IRAG2: variants seen among roughly 807,000 people sequenced by gnomAD.
IRAG2 encodes lymphoid restricted membrane protein.
IRAG2 carries 45 observed loss-of-function variants against 69.9 expected under a neutral mutation model. The ratio of observed to expected loss-of-function variants is 0.64; its 90% CI spans 0.51 to 0.83. The LOEUF (loss-of-function observed/expected upper bound fraction) is 0.83. Ranked by LOEUF, IRAG2 falls within the 40% of genes least tolerant of loss-of-function variation. The pLI is 0.00. For missense variants in IRAG2, 520 were observed against 587.0 expected (o/e 0.89, Z 1.18); for synonymous variants, 193 against 202.4 (o/e 0.95, Z 0.40).
chr12:25,021,091 C>CTTTTTTTTTT (rs71063389), intron 7 of IRAG2: 95 of 265,802 alleles, frequency 3.6e-4, no homozygotes, highest in Admixed American at 4.8e-4. Context: ...TCTTTCTTTT[C>CTTTTTTTTTT]TTTTTTTTTT....
chr12:25,050,127 AAAAAAACAAAAAC>A (rs1312936819), upstream of IRAG2, among the ~76,000 whole-genome samples: 96 of 152,008 alleles, frequency 6.3e-4, no homozygotes, highest in Non-Finnish European at 1.2e-3. Context: ...ACTCCGTCTC[AAAAAAACAAAAAC>A]AAAAAACAAA....
At chr12:25,056,650 G>A (rs896886648) in intron 1 of IRAG2, among the ~76,000 whole-genome samples, 2 of 152,260 alleles carry the variant, frequency 1.3e-5, no homozygotes, top group East Asian at 1.9e-4. Flanking sequence ...GCTAGAATAC[G>A]TTTCTATAAC....
In IRAG2 at chr12:25,089,594, A is replaced by G; in HGVS notation, c.374-20A>G. 2.7e-6 allele frequency: 4 copies of G among 1,477,158 alleles called. No homozygotes were observed. The highest frequency in any genetic ancestry group is 2.8e-6 in the Non-Finnish European group (3 of 1,077,744). 91.5% of individuals were successfully genotyped at this position (1,477,158 alleles called of 1,614,324 possible). A position where few individuals can be genotyped will look rare whatever the true frequency, so the allele number is the denominator to read the frequency against. ...GGTCAAGCCTTTTTAACCAAATAATATTTTATTATATTTTAATAGACTCTG... is the reference window on the plus strand; with the variant it reads ...GGTCAAGCCTTTTTAACCAAATAATGTTTTATTATATTTTAATAGACTCTG... On this transcript the variant is annotated intron_variant, in intron 11 of 21. Transcript: ENST00000556887.
At chr12:25,089,938 A>C (rs1465710468) in intron 13 of IRAG2, 119 bp from the exon 14 acceptor site, 1 of 1,296,004 alleles carries the variant, frequency 7.7e-7, no homozygotes, top group Non-Finnish European at 1.1e-6. Flanking sequence ...TGTGCATGTC[A>C]GCATTATGTT....
At chr12:25,033,184 T>C (rs1591932358) in intron 12 of IRAG2, among the ~76,000 whole-genome samples, 1 of 152,168 alleles carries the variant, frequency 6.6e-6, no homozygotes, top group East Asian at 1.9e-4. Context: ...CTCGAACTCC[T>C]GACTTCATGA....
At chr12:25,067,413 C>A (rs1383523375) in intron 5 of IRAG2, among the ~76,000 whole-genome samples, 4 of 152,146 alleles carry the variant, frequency 2.6e-5, no homozygotes, top group African/African-American at 9.7e-5. Context: ...TCAATTCCAA[C>A]GTTATCTACC....
In IRAG2 at chr12:25,038,982, C is replaced by G. The variant is rs140257104; in HGVS notation, c.2144+845C>G. Reference sequence around the variant, plus strand: ...GGTAACAAATATAAAATAACTTACCCTCTTATCCTTTCTCTACCCTCAATT... The same window carrying G: ...GGTAACAAATATAAAATAACTTACCGTCTTATCCTTTCTCTACCCTCAATT... On this transcript the variant is annotated intron_variant, in intron 16 of 38. Coordinates refer to the IRAG2 transcript ENST00000636465. 1.8e-4 allele frequency among the ~76,000 whole-genome samples: 27 copies of G among 152,236 alleles called. 1 individual carries two copies. Among genetic ancestry groups the G allele is most frequent in the African/African-American group, 6.5e-4 (27 of 41,528 alleles).
intron 1 of IRAG2, among the ~76,000 whole-genome samples, chr12:25,061,338 A>C (rs1945623304): frequency 1.3e-5 from 2 of 152,222 alleles, no homozygotes; most frequent in South Asian, 4.1e-4. Context: ...CAGTCTAGAC[A>C]ACATGGTGAA....
chr12:25,071,346 AAAAAAT>A (rs1946325499), intron 6 of IRAG2, among the ~76,000 whole-genome samples: 4 of 152,314 alleles, frequency 2.6e-5, no homozygotes, highest in South Asian at 2.1e-4. Flanking sequence ...ACTCCATCTC[AAAAAAT>A]AAAAATAAAA....
intron 5 of IRAG2, among the ~76,000 whole-genome samples, chr12:25,015,727 A>G (rs575561854): frequency 7.2e-5 from 11 of 152,316 alleles, no homozygotes; most frequent in African/African-American, 2.6e-4. Context: ...AAGTAGGGTT[A>G]TGATATTGAC....
chr12:25,107,734 C>A (rs1000770683), intron 21 of IRAG2, 83 bp from the exon 22 acceptor site: 41 of 1,355,684 alleles, frequency 3.0e-5, no homozygotes, highest in Non-Finnish European at 3.6e-5. Flanking sequence ...AAGGGCAGAT[C>A]ACCTGACTGG....
intron 4 of IRAG2, 32 bp downstream of exon 4, chr12:25,063,848 A>T (rs1223153448): frequency 2.5e-6 from 1 of 398,860 alleles, no homozygotes; most frequent in Non-Finnish European, 4.4e-6. Context: ...GCTCAGACAC[A>T]AGTAGGGGTA....
At chr12:25,015,897 TAAAGA>T (rs1944523596) in intron 5 of IRAG2, among the ~76,000 whole-genome samples, 1 of 152,128 alleles carries the variant, frequency 6.6e-6, no homozygotes, top group South Asian at 2.1e-4. Context: ...GGTTTATCCG[TAAAGA>T]AAAGTGGTGT....
At chr12:25,066,769 C>G (rs1028278452) in intron 5 of IRAG2, among the ~76,000 whole-genome samples, 2 of 151,706 alleles carry the variant, frequency 1.3e-5, no homozygotes, top group Non-Finnish European at 2.9e-5. Flanking sequence ...CATGCCTCAG[C>G]CTTCCAAGTA....
chr12:25,063,955 A>T (rs1199461768), intron 4 of IRAG2, 139 bp downstream of exon 4: 5 of 394,302 alleles, frequency 1.3e-5, no homozygotes, highest in Non-Finnish European at 2.2e-5. Context: ...TCAGTCAATC[A>T]ATATATATTT....
In IRAG2 at chr12:25,052,873, C is replaced by T. The variant is rs1265311775; in HGVS notation, c.-530C>T. The T allele has an allele frequency of 2.5e-6, 1 of 398,556 alleles. No homozygotes were observed. Among genetic ancestry groups the T allele is most frequent in the Non-Finnish European group, 4.4e-6 (1 of 226,050 alleles). 24.7% of individuals were successfully genotyped at this position (398,556 alleles called of 1,614,324 possible). A position where few individuals can be genotyped will look rare whatever the true frequency, so the allele number is the denominator to read the frequency against. On this transcript the variant is annotated 5_prime_UTR_variant, in exon 1 of 22. Transcript: ENST00000556887. ...CTGCATAAATTAGAGGAAGCAATTT[C>T]GGAACAACGGAACCTTCAAACTATA... is the stretch of plus-strand genomic sequence containing the variant.
intron 15 of IRAG2, among the ~76,000 whole-genome samples, chr12:25,100,574 C>G (rs1948696129): frequency 6.6e-6 from 1 of 152,136 alleles, no homozygotes; most frequent in Admixed American, 6.6e-5. Flanking sequence ...GGGTGTAACT[C>G]TGGCTGCCAG....
At chr12:25,074,717 T>C (rs1241839034) in intron 6 of IRAG2, among the ~76,000 whole-genome samples, 2 of 152,220 alleles carry the variant, frequency 1.3e-5, no homozygotes, top group Non-Finnish European at 2.9e-5. Context: ...AACAAGCCAA[T>C]GATTTGGAGA....
chr12:25,036,200 C>T (rs1944700767), intron 14 of IRAG2, among the ~76,000 whole-genome samples: 1 of 152,150 alleles, frequency 6.6e-6, no homozygotes, highest in African/African-American at 2.4e-5. Flanking sequence ...CTGGTATTGC[C>T]AGTCCCTTTC....
Sources: allele counts gnomAD v4.1 joint callset (sites outside exome capture counted in the v4.1 genomes callset), GRCh38; gene constraint gnomAD v4.1.1; transcripts MANE v1.5; gene names NCBI Gene and HGNC (gene_info 2026-07-23, HGNC 2026-07-21).